Variants in ACTL6A observed in about 807,000 individuals in gnomAD.
ACTL6A encodes the protein actin-like protein 6A.
In ACTL6A, 5 loss-of-function variants were observed where a neutral mutation model predicts 59.2. The ratio of observed to expected loss-of-function variants is 0.08; its 90% CI spans 0.04 to 0.18. The LOEUF (loss-of-function observed/expected upper bound fraction) is 0.18. ACTL6A is among the 10% of genes least tolerant of loss of function. The pLI is 1.00. For synonymous variants in ACTL6A, 154 were observed against 171.8 expected (o/e 0.90, Z 0.81); for missense variants, 285 against 526.9 (o/e 0.54, Z 4.49).
intron 6 of ACTL6A, 56 bp downstream of exon 6, chr3:179,576,367 C>T (rs1718165795): frequency 7.7e-7 from 1 of 1,305,392 alleles, no homozygotes; most frequent in Non-Finnish European, 1.1e-6. Flanking sequence ...TGAGGATGCA[C>T]ATAATGAAAT....
At chr3:179,582,033 TAAC>T (rs1359349996) in intron 11 of ACTL6A, among the ~76,000 whole-genome samples, 1 of 152,236 alleles carries the variant, frequency 6.6e-6, no homozygotes, top group African/African-American at 2.4e-5. Context: ...ATAGTGCTAA[TAAC>T]TACTATGTTA....
At chr3:179,568,606 C>G (rs1717910799) in intron 1 of ACTL6A, among the ~76,000 whole-genome samples, 1 of 151,422 alleles carries the variant, frequency 6.6e-6, no homozygotes, top group South Asian at 2.1e-4. Flanking sequence ...TGATAACTAG[C>G]TTTTAAAACT....
chr3:179,582,202 T>C (rs928238657), intron 11 of ACTL6A, among the ~76,000 whole-genome samples: 2 of 152,348 alleles, frequency 1.3e-5, no homozygotes, highest in African/African-American at 4.8e-5. Context: ...GGGAAGGTAA[T>C]TGAATTGAAG....
chr3:179,588,032 C>T lies in ACTL6A; in HGVS notation c.*22C>T, dbSNP rs1216088027. The T allele has an allele frequency of 6.4e-7, 1 of 1,564,202 alleles. No individual in the cohort carries two copies. Among genetic ancestry groups the T allele is most frequent in the African/African-American group, 1.4e-5 (1 of 72,308 alleles). Reference sequence around the variant, plus strand: ...TTGAGAAAGAGTTCCCAAGCTTCTACCTTCCTTTTGTCACCTTACGTTTCA... The same window carrying T: ...TTGAGAAAGAGTTCCCAAGCTTCTATCTTCCTTTTGTCACCTTACGTTTCA... On this transcript the variant is annotated 3_prime_UTR_variant, in exon 14 of 14. Coordinates refer to ENST00000429709, the MANE Select transcript of ACTL6A (RefSeq NM_004301.5).
At position 179,581,287 on chromosome 3, in the gene ACTL6A, T is replaced by C. The variant is rs953009126; in HGVS notation, c.1026+67T>C. ...GGGGACTGAAATGTCCCCAAATCAT[T>C]GTTAGGTTGACAGTGATCTAATGGT... On this transcript the variant is annotated intron_variant, in intron 11 of 13. Transcript: ENST00000429709. 6 of 1,295,382 alleles carry C rather than the reference T, an allele frequency of 4.6e-6. No homozygotes were observed. The Admixed American group carries it at 5.0e-5, about 11-fold the overall frequency. 80.2% of individuals were successfully genotyped at this position (1,295,382 alleles called of 1,614,324 possible). A position where few individuals can be genotyped will look rare whatever the true frequency, so the allele number is the denominator to read the frequency against.
chr3:179,576,025 TCTTA>T (rs1319067114), intron 5 of ACTL6A, among the ~76,000 whole-genome samples, 188 bp from the exon 6 acceptor site: 1 of 152,214 alleles, frequency 6.6e-6, no homozygotes, highest in Non-Finnish European at 1.5e-5. Flanking sequence ...AATTCCTGCC[TCTTA>T]CTATTTGTTT....
chr3:179,569,800 G>A, intron 1 of ACTL6A, 24 bp from the exon 2 acceptor site: 1 of 1,606,354 alleles, frequency 6.2e-7, no homozygotes, highest in Non-Finnish European at 8.5e-7. Flanking sequence ...AGCTGTTAAT[G>A]CTAATTATCT....
chr3:179,588,107 A>T lies in ACTL6A; in HGVS notation c.*97A>T. 4 of 927,026 alleles carry T rather than the reference A, an allele frequency of 4.3e-6. No homozygotes were observed. Among genetic ancestry groups the T allele is most frequent in the Non-Finnish European group, 6.1e-6 (4 of 653,458 alleles). 57.4% of individuals were successfully genotyped at this position (927,026 alleles called of 1,614,324 possible). A position where few individuals can be genotyped will look rare whatever the true frequency, so the allele number is the denominator to read the frequency against. ...AATGACCATCTTTTGTAGAATGTTT[A>T]TACATTTTTGCATATTTCAATTTCC... On this transcript the variant is annotated 3_prime_UTR_variant, in exon 14 of 14. Coordinates refer to ENST00000429709, the MANE Select transcript of ACTL6A (RefSeq NM_004301.5).
intron 1 of ACTL6A, among the ~76,000 whole-genome samples, chr3:179,564,767 C>T (rs530785154): frequency 6.6e-6 from 1 of 152,114 alleles, no homozygotes; most frequent in South Asian, 2.1e-4. Context: ...GGTATAGGCT[C>T]TTGTCATCAA....
chr3:179,574,693 CGTTTTT>C (rs1386719784), intron 5 of ACTL6A: 2 of 385,718 alleles, frequency 5.2e-6, no homozygotes, highest in Admixed American at 8.4e-5. Flanking sequence ...AGTGTTAAGA[CGTTTTT>C]GTTTTTGTTT....
At position 179,586,529 on chromosome 3, in the gene ACTL6A, A is replaced by G; in HGVS notation, c.1123-17A>G. On this transcript the variant is annotated splice_polypyrimidine_tract_variant and intron_variant, in intron 12 of 13. Transcript: ENST00000429709. Reference sequence around the variant, plus strand: ...TCACAAGATTTGATTGTACTAATGCATATTCTTCTATTTCAGAGTATGCGG... The same window carrying G: ...TCACAAGATTTGATTGTACTAATGCGTATTCTTCTATTTCAGAGTATGCGG... 1 of 1,539,110 alleles carries G rather than the reference A, an allele frequency of 6.5e-7. No individual in the cohort carries two copies. Among genetic ancestry groups the G allele is most frequent in the Non-Finnish European group, 8.7e-7 (1 of 1,144,176 alleles).
chr3:179,568,231 C>T (rs1045841631), intron 1 of ACTL6A, among the ~76,000 whole-genome samples: 2 of 149,576 alleles, frequency 1.3e-5, no homozygotes, highest in African/African-American at 4.9e-5. Flanking sequence ...TTAACTGATA[C>T]TTGCAAAGTA....
At position 179,586,709 on chromosome 3, in the gene ACTL6A, C is replaced by T. The variant is rs879249605; in HGVS notation, c.1209+77C>T. On this transcript the variant is annotated intron_variant, in intron 13 of 13. Transcript: ENST00000429709. ...TTAGTAAAAATACAAAAAATAATTC[C>T]AGTGCTTCATTTGTCTGTGCATTTT... The T allele has an allele frequency of 6.2e-5, 73 of 1,184,306 alleles. No homozygotes were observed. In the South Asian group the frequency reaches 1.0e-3, roughly 17 times the overall value. 73.4% of individuals were successfully genotyped at this position (1,184,306 alleles called of 1,614,324 possible). A position where few individuals can be genotyped will look rare whatever the true frequency, so the allele number is the denominator to read the frequency against.
intron 12 of ACTL6A, among the ~76,000 whole-genome samples, chr3:179,584,790 A>G (rs6770527): frequency 0.084 from 12,708 of 152,102 alleles, 1,186 homozygotes; most frequent in African/African-American, 0.22. Context: ...GGCTCAGGAA[A>G]AAAAAACAAC....
chr3:179,573,477 A>G lies in ACTL6A; in HGVS notation c.378+8A>G, dbSNP rs1271721424. The G allele has an allele frequency of 3.3e-6, 5 of 1,519,896 alleles. No individual in the cohort carries two copies. In the African/African-American group the frequency reaches 5.8e-5, roughly 18 times the overall value. 94.2% of individuals were successfully genotyped at this position (1,519,896 alleles called of 1,614,324 possible). A position where few individuals can be genotyped will look rare whatever the true frequency, so the allele number is the denominator to read the frequency against. On this transcript the variant is annotated splice_region_variant and intron_variant, in intron 4 of 13. Transcript: ENST00000429709. ...CTCATGTCAGAGGCACCGGTGAGAT[A>G]AAGATTTTCTTTTTCACGTTTCTCT...
At chr3:179,576,761 C>G in intron 7 of ACTL6A, 35 bp downstream of exon 7, 5 of 1,607,980 alleles carry the variant, frequency 3.1e-6, no homozygotes, top group Non-Finnish European at 4.3e-6. Flanking sequence ...GTAGAACTTA[C>G]TTCTAGCTCC....
At chr3:179,575,727 G>A (rs113654078) in intron 5 of ACTL6A, among the ~76,000 whole-genome samples, 86 of 152,288 alleles carry the variant, frequency 5.6e-4, no homozygotes, top group African/African-American at 1.9e-3. Flanking sequence ...TAGTTTTCCC[G>A]CTCATTGAGT....
intron 1 of ACTL6A, 99 bp downstream of exon 1, chr3:179,563,216 C>T: frequency 4.7e-6 from 7 of 1,483,882 alleles, no homozygotes; most frequent in South Asian, 1.3e-5. Flanking sequence ...CCCTTCCGGT[C>T]TCCCCCTCTC....
chr3:179,578,226 G>A (rs973928254), intron 8 of ACTL6A, among the ~76,000 whole-genome samples: 1 of 152,276 alleles, frequency 6.6e-6, no homozygotes, highest in Non-Finnish European at 1.5e-5. Flanking sequence ...AGGCCGAGGC[G>A]GGTGGATCAC....
Sources: allele counts gnomAD v4.1 joint callset (sites outside exome capture counted in the v4.1 genomes callset), GRCh38; gene constraint gnomAD v4.1.1; transcripts MANE v1.5; gene names NCBI Gene and HGNC (gene_info 2026-07-23, HGNC 2026-07-21).